The following RNF135 variants were observed in gnomAD, a reference collection of about 807,000 sequenced individuals.
RNF135 encodes the protein E3 ubiquitin-protein ligase RNF135.
RNF135 carries 46 observed loss-of-function variants against 41.9 expected under a neutral mutation model. That is an observed-to-expected ratio of 1.10 (90% CI 0.87 to 1.40). The LOEUF (loss-of-function observed/expected upper bound fraction) is 1.40, where lower values mean the gene tolerates loss of function less well. Among genes scored for constraint, RNF135 ranks in the 40% most tolerant of loss-of-function variants. The probability of loss-of-function intolerance (pLI) is 0.00; values close to 1 mark genes in which losing one functional copy is unlikely to be tolerated. For synonymous variants in RNF135, 238 were observed against 223.8 expected (o/e 1.06, Z -0.57); for missense variants, 539 against 549.8 (o/e 0.98, Z 0.20).
intron 1 of RNF135, among the ~76,000 whole-genome samples, chr17:30,981,667 A>G (rs1170490888): frequency 1.3e-5 from 2 of 152,220 alleles, no homozygotes; most frequent in African/African-American, 4.8e-5. Flanking sequence ...TAGTCTTCAC[A>G]GTCTGGGCTT....
upstream of RNF135, among the ~76,000 whole-genome samples, chr17:30,969,591 T>C (rs1202247533): frequency 1.3e-5 from 2 of 152,066 alleles, no homozygotes; most frequent in Non-Finnish European, 2.9e-5. Flanking sequence ...GGAAGTAACA[T>C]ATTACCTCTG....
chr17:30,985,801 C>G (rs558519401), intron 2 of RNF135, among the ~76,000 whole-genome samples: 3 of 152,182 alleles, frequency 2.0e-5, no homozygotes, highest in Non-Finnish European at 1.5e-5. Flanking sequence ...ACCAGCAAAG[C>G]CCTGTAGGAT....
chr17:30,976,408 A>G (rs1906464790), intron 1 of RNF135, among the ~76,000 whole-genome samples: 1 of 152,234 alleles, frequency 6.6e-6, no homozygotes, highest in Non-Finnish European at 1.5e-5. Context: ...GTGCTGAGGA[A>G]AAGATCCATG....
Position 30,971,253 on chromosome 17 carries a change from C to T in RNF135, c.180C>T (p.Pro60=). The part of the protein sequence containing the change: ...GARDARRWAC[P]TCRQGAAQQP... ...GCGACGCCCGCCGCTGGGCCTGCCC[C>T]ACTTGCCGCCAGGGCGCCGCGCAGC... The change falls in exon 1 of 5, where the codon CCC becomes CCT. Residue 60 remains proline, a synonymous_variant. Coordinates refer to ENST00000328381, the MANE Select transcript of RNF135 (RefSeq NM_032322.4). 6.6e-7 allele frequency: 1 copy of T among 1,522,204 alleles called. No homozygotes were observed. The highest frequency in any genetic ancestry group is 8.8e-7 in the Non-Finnish European group (1 of 1,140,104). 94.3% of individuals were successfully genotyped at this position (1,522,204 alleles called of 1,614,324 possible).
chr17:30,971,241 C>T lies in RNF135; in HGVS notation c.168C>T (p.Arg56=). ...TGTGGGGCGCCCGCGACGCCCGCCG[C>T]TGGGCCTGCCCCACTTGCCGCCAGG... is the stretch of plus-strand genomic sequence containing the variant. The part of the protein sequence containing the change: ...EALWGARDAR[R]WACPTCRQGA... The change falls in exon 1 of 5, where the codon CGC becomes CGT. Residue 56 remains arginine, a synonymous_variant. Coordinates refer to ENST00000328381, the MANE Select transcript of RNF135 (RefSeq NM_032322.4). 6.6e-7 allele frequency: 1 copy of T among 1,518,570 alleles called. No homozygotes were observed. The highest frequency in any genetic ancestry group is 8.8e-7 in the Non-Finnish European group (1 of 1,138,932). 94.1% of individuals were successfully genotyped at this position (1,518,570 alleles called of 1,614,324 possible).
chr17:30,960,828 C>T, the RNF135 span, among the ~76,000 whole-genome samples: 2 of 151,168 alleles, frequency 1.3e-5, no homozygotes, highest in Non-Finnish European at 3.0e-5. Context: ...CAAGCTCCGC[C>T]TCCCGGGTTC....
At chr17:30,962,998 G>C in the RNF135 span, among the ~76,000 whole-genome samples, 1 of 151,078 alleles carries the variant, frequency 6.6e-6, no homozygotes, top group East Asian at 1.9e-4. Context: ...GTTCTAATAC[G>C]CATTTCCCTA....
Position 30,998,868 on chromosome 17 carries a change from G to A in RNF135, c.976G>A (p.Ala326Thr). ...EVDTRNCSHWAVGVASWEMSR... is the reference protein window; with the variant it reads ...EVDTRNCSHWTVGVASWEMSR... Reference sequence around the variant, plus strand: ...GGACACTAGGAATTGCAGCCACTGGGCAGTTGGGGTGGCTTCCTGGGAGAT... The same window carrying A: ...GGACACTAGGAATTGCAGCCACTGGACAGTTGGGGTGGCTTCCTGGGAGAT... Residue 326 changes from alanine (A) to threonine (T), a missense_variant, in exon 5 of 5, where the codon GCA (alanine) becomes ACA (threonine). Physicochemically the swap from Ala to Thr is moderately conservative, Grantham distance 58. This residue lies in a region of RNF135 where 262 missense variants were observed against 336.9 expected (regional missense o/e 0.78). Transcript: ENST00000328381. The A allele has an allele frequency of 6.2e-7, 1 of 1,612,636 alleles. No individual in the cohort carries two copies. The highest frequency in any genetic ancestry group is 8.5e-7 in the Non-Finnish European group (1 of 1,179,072).
In RNF135 at chr17:30,971,391, C is replaced by T. The variant is rs1236961300; in HGVS notation, c.318C>T (p.Ser106=). The change falls in exon 1 of 5, where the codon TCC becomes TCT. Residue 106 remains serine (S), a synonymous_variant. Transcript: ENST00000328381. The part of the protein sequence containing the change: ...SDPAHCPCPG[S]SSLSSAAARP... Reference sequence around the variant, plus strand: ...CTGCCCACTGCCCCTGCCCGGGCTCCAGTTCCCTCTCCAGCGCGGCCGCGA... The same window carrying T: ...CTGCCCACTGCCCCTGCCCGGGCTCTAGTTCCCTCTCCAGCGCGGCCGCGA... 11 of 1,524,252 alleles carry T rather than the reference C, an allele frequency of 7.2e-6. No homozygotes were observed. Among genetic ancestry groups the T allele is most frequent in the Non-Finnish European group, 9.6e-6 (11 of 1,141,706 alleles). 94.4% of individuals were successfully genotyped at this position (1,524,252 alleles called of 1,614,324 possible). A position where few individuals can be genotyped will look rare whatever the true frequency, so the allele number is the denominator to read the frequency against.
chr17:30,987,793 A>G, intron 2 of RNF135, 151 bp from the exon 3 acceptor site: 1 of 680,744 alleles, frequency 1.5e-6, no homozygotes, highest in South Asian at 1.8e-5. Flanking sequence ...GATTTTTTTC[A>G]AGGCATATTT....
At chr17:30,993,035 ATTTG>A (rs898121328) in intron 3 of RNF135, among the ~76,000 whole-genome samples, 7 of 133,804 alleles carry the variant, frequency 5.2e-5, no homozygotes, top group Middle Eastern at 3.7e-3. Flanking sequence ...ATTTTGTTTT[ATTTG>A]TTTATTATTA....
rs1188635484 is a variant in RNF135, at chr17:30,983,330, T to C, written c.373-1287T>C. Reference sequence around the variant, plus strand: ...AATTACATATATGTACATATATATATATATATATATATATATATATATATT... The same window carrying C: ...AATTACATATATGTACATATATATACATATATATATATATATATATATATT... On this transcript the variant is annotated intron_variant, in intron 1 of 4. Coordinates refer to ENST00000328381, the MANE Select transcript of RNF135 (RefSeq NM_032322.4). Among the ~76,000 whole-genome samples, 8 of 32,700 alleles carry C rather than the reference T, an allele frequency of 2.4e-4. 1 individual carries two copies. Among genetic ancestry groups the C allele is most frequent in the African/African-American group, 1.0e-3 (8 of 7,834 alleles). The allele number at this position is 32,700 out of a possible 152,430, so 21.5% of individuals were successfully genotyped here. A position where few individuals can be genotyped will look rare whatever the true frequency, so the allele number is the denominator to read the frequency against.
At chr17:30,995,082 G>A (rs1382616727) in intron 3 of RNF135, among the ~76,000 whole-genome samples, 1 of 151,916 alleles carries the variant, frequency 6.6e-6, no homozygotes, top group Non-Finnish European at 1.5e-5. Context: ...ACACCACCAT[G>A]CTCAGCTATT....
rs1469976728 is a variant in RNF135 at position 30,997,938 on chromosome 17, A to G, written c.769+607A>G. Among the ~76,000 whole-genome samples the G allele has an allele frequency of 5.3e-5, 8 of 152,246 alleles. 1 individual carries two copies. Among genetic ancestry groups the G allele is most frequent in the Non-Finnish European group, 1.2e-4 (8 of 68,044 alleles). On this transcript the variant is annotated intron_variant, in intron 4 of 4. Coordinates refer to ENST00000328381, the MANE Select transcript of RNF135 (RefSeq NM_032322.4). ...TAGCAATTTATTCACTCAATAGGAA[A>G]CCAAATGAAATATACAAAGTGAGTA... is the stretch of plus-strand genomic sequence containing the variant.
At chr17:30,990,458 A>C (rs1171504096) in intron 3 of RNF135, among the ~76,000 whole-genome samples, 1 of 152,164 alleles carries the variant, frequency 6.6e-6, no homozygotes, top group African/African-American at 2.4e-5. Context: ...CGGGAGGCAG[A>C]GGTTGCAGTG....
chr17:30,981,267 G>C (rs1443955921), intron 1 of RNF135, among the ~76,000 whole-genome samples: 12 of 148,982 alleles, frequency 8.1e-5, no homozygotes, highest in African/African-American at 2.9e-4. Context: ...GGCTGAGGCA[G>C]GAGAATCAGG....
At chr17:30,980,007 C>T (rs1260457073) in intron 1 of RNF135, among the ~76,000 whole-genome samples, 5 of 119,716 alleles carry the variant, frequency 4.2e-5, no homozygotes, top group Non-Finnish European at 8.7e-5. Context: ...ACCTCCCTCC[C>T]GGACGGGGCG....
chr17:30,980,833 C>T (rs970936639), intron 1 of RNF135, among the ~76,000 whole-genome samples: 6 of 150,194 alleles, frequency 4.0e-5, no homozygotes, highest in African/African-American at 1.5e-4. Flanking sequence ...CTCCTCGCTT[C>T]CTAGATGGGA....
At position 30,984,623 on chromosome 17, in the gene RNF135, G is replaced by A; in HGVS notation, c.379G>A (p.Val127Ile). Residue 127 changes from valine to isoleucine, a missense_variant, in exon 2 of 5, where the codon GTA (valine) becomes ATA (isoleucine). Val to Ile is a conservative substitution (Grantham distance 29). Around this residue, in one of 2 missense-constraint regions of RNF135, gnomAD observed 277 missense variants for 212.8 expected, o/e 1.30. Transcript: ENST00000328381. ...GAACTTTGCTATTTTGAAGGTGGCAGTAGAGAAGAGCATCACAGAAGTTGC... is the reference window on the plus strand; with the variant it reads ...GAACTTTGCTATTTTGAAGGTGGCAATAGAGAAGAGCATCACAGAAGTTGC... ...RRRPELQRVA[V>I]EKSITEVAQE... 1.9e-6 allele frequency: 3 copies of A among 1,614,202 alleles called. No individual in the cohort carries two copies. Among genetic ancestry groups the A allele is most frequent in the Non-Finnish European group, 2.5e-6 (3 of 1,180,034 alleles).
Sources: gnomAD v4.1 joint callset for allele counts (sites outside exome capture counted in the v4.1 genomes callset) on GRCh38, gnomAD v4.1.1 for gene constraint, gnomAD v4.1.1 regional missense constraint, MANE v1.5 for transcripts, NCBI Gene and HGNC (gene_info 2026-07-23, HGNC 2026-07-21) for gene names.